Variants in CDK19 observed in about 807,000 individuals in gnomAD.
CDK19 encodes cyclin dependent kinase 19.
In CDK19, 20 loss-of-function variants were observed where a neutral mutation model predicts 68.3. That is an observed-to-expected ratio of 0.29 (90% CI 0.21 to 0.43). The LOEUF (loss-of-function observed/expected upper bound fraction) is 0.43, where lower values mean the gene tolerates loss of function less well. Ranked by LOEUF, CDK19 falls within the 20% of genes least tolerant of loss-of-function variation. The pLI is 1.00. For missense variants in CDK19, 339 were observed against 623.5 expected (o/e 0.54, Z 4.86); for synonymous variants, 221 against 222.8 (o/e 0.99, Z 0.07).
At chr6:110,735,072 A>T (rs1332149450) in intron 2 of CDK19, among the ~76,000 whole-genome samples, 1 of 151,908 alleles carries the variant, frequency 6.6e-6, no homozygotes, top group Admixed American at 6.6e-5. Context: ...TGGATCAAAA[A>T]TTTTAGATAA....
At chr6:110,643,995 T>A (rs1028897301) in intron 4 of CDK19, among the ~76,000 whole-genome samples, 6 of 151,640 alleles carry the variant, frequency 4.0e-5, no homozygotes, top group African/African-American at 1.2e-4. Context: ...ATTAAACTTT[T>A]AAAAATTAAA....
intron 2 of CDK19, among the ~76,000 whole-genome samples, chr6:110,673,296 T>C (rs1771174356): frequency 6.6e-6 from 1 of 152,218 alleles, no homozygotes; most frequent in Non-Finnish European, 1.5e-5. Flanking sequence ...TATTTAAAGC[T>C]GAATACTATT....
At chr6:110,768,351 A>G (rs1378994339) in intron 1 of CDK19, among the ~76,000 whole-genome samples, 1 of 152,208 alleles carries the variant, frequency 6.6e-6, no homozygotes, top group East Asian at 1.9e-4. Context: ...AAAACTAAAC[A>G]TGTTCATGCC....
At chr6:110,688,186 G>C (rs1772655146) in intron 2 of CDK19, among the ~76,000 whole-genome samples, 1 of 152,036 alleles carries the variant, frequency 6.6e-6, no homozygotes, top group Admixed American at 6.6e-5. Flanking sequence ...AGGAGTCTGA[G>C]ACCAGCCTGG....
At chr6:110,814,837 G>A in intron 1 of CDK19, 172 bp downstream of exon 1, 2 of 841,054 alleles carry the variant, frequency 2.4e-6, no homozygotes, top group South Asian at 1.5e-5. Context: ...GGCCGCGCGG[G>A]GGAGGCGGGC....
At chr6:110,721,749 A>T (rs977892332) in intron 2 of CDK19, among the ~76,000 whole-genome samples, 5 of 151,902 alleles carry the variant, frequency 3.3e-5, no homozygotes, top group African/African-American at 1.2e-4. Flanking sequence ...GCAGATCACA[A>T]ATCAAGGATT....
Position 110,623,276 on chromosome 6 carries a change from A to C in CDK19, c.933+14T>G, listed in dbSNP as rs759117577. 3.1e-6 allele frequency: 5 copies of C among 1,607,424 alleles called. No individual in the cohort carries two copies. Among genetic ancestry groups the C allele is most frequent in the Non-Finnish European group, 4.3e-6 (5 of 1,174,236 alleles). On this transcript the variant is annotated intron_variant, in intron 9 of 12. Coordinates refer to ENST00000368911, the MANE Select transcript of CDK19 (RefSeq NM_015076.5). Reference sequence around the variant, plus strand: ...GCTGAGAATCAGATTTTAGTCTGGGAGAGAAGCACCTACCAAGAGGAACAC... The same window carrying C: ...GCTGAGAATCAGATTTTAGTCTGGGCGAGAAGCACCTACCAAGAGGAACAC...
At position 110,809,542 on chromosome 6, in the gene CDK19, T is replaced by G. The variant is rs530970877; in HGVS notation, c.128+5467A>C. ...AAGTGAAAAAAATGAAAAAAGAAAT[T>G]TATCAACTGTTTGGAAAAGCAGTAC... On this transcript the variant is annotated intron_variant, in intron 1 of 12. Transcript: ENST00000368911. Among the ~76,000 whole-genome samples the G allele has an allele frequency of 2.6e-5, 4 of 152,182 alleles. No individual in the cohort carries two copies. In the East Asian group the frequency reaches 7.7e-4, roughly 29 times the overall value.
chr6:110,645,884 C>T, intron 4 of CDK19: 1 of 745,786 alleles, frequency 1.3e-6, no homozygotes, highest in Non-Finnish European at 2.3e-6. Flanking sequence ...TAGACGAAAA[C>T]AGCGGCGACT....
intron 4 of CDK19, among the ~76,000 whole-genome samples, chr6:110,640,215 G>A (rs1403220789): frequency 2.6e-5 from 3 of 115,122 alleles, no homozygotes; most frequent in African/African-American, 1.1e-4. Flanking sequence ...CTGGGTGACA[G>A]AGCAAGACCC....
chr6:110,620,662 TCA>T (rs1778650254), intron 12 of CDK19, among the ~76,000 whole-genome samples: 1 of 152,330 alleles, frequency 6.6e-6, no homozygotes, highest in South Asian at 2.1e-4. Flanking sequence ...CAGAAAAGCC[TCA>T]GTCTTAGCCC....
chr6:110,645,570 G>T, intron 4 of CDK19: 1 of 181,092 alleles, frequency 5.5e-6, no homozygotes, highest in Non-Finnish European at 1.2e-5. Flanking sequence ...AGGGTAGGAT[G>T]GGTGGGCAAG....
chr6:110,670,270 T>C (rs934455753), intron 3 of CDK19, among the ~76,000 whole-genome samples, 161 bp downstream of exon 3: 3 of 151,950 alleles, frequency 2.0e-5, no homozygotes, highest in Non-Finnish European at 4.4e-5. Context: ...TGTGAGTTTA[T>C]TGCTTAAATT....
At chr6:110,626,660 G>A in intron 8 of CDK19, 116 bp downstream of exon 8, 1 of 639,220 alleles carries the variant, frequency 1.6e-6, no homozygotes, top group South Asian at 2.5e-5. Context: ...CTTGACCTTG[G>A]ACTTTCCAGC....
intron 2 of CDK19, among the ~76,000 whole-genome samples, chr6:110,737,549 A>AT (rs1003954925): frequency 2.6e-5 from 4 of 152,192 alleles, no homozygotes; most frequent in African/African-American, 9.7e-5. Context: ...CAACAGACAG[A>AT]TACACGATAG....
At chr6:110,665,437 C>T (rs1781865203) in intron 4 of CDK19, among the ~76,000 whole-genome samples, 1 of 152,092 alleles carries the variant, frequency 6.6e-6, no homozygotes, top group South Asian at 2.1e-4. Flanking sequence ...AGCAGCAAAT[C>T]TGAATGGGAG....
chr6:110,621,136 A>C lies in CDK19; in HGVS notation c.1345T>G (p.Ser449Ala). The change falls in exon 12 of 13, where the codon TCA becomes GCA. Residue 449 changes from serine (S) to alanine (A), a missense_variant. Transcript: ENST00000368911. The surrounding 1 kb of genome is among the most constrained non-coding windows in gnomAD (Gnocchi z 5.4). ...KPRLGPSGAN[S>A]GGPVMPSDYQ... ...TCCGAGGGCATCACAGGTCCACCTG[A>C]GTTTGCGCCTGAAGGCCCTAGCCGT... 2 of 1,613,970 alleles carry C rather than the reference A, an allele frequency of 1.2e-6. No homozygotes were observed. The highest frequency in any genetic ancestry group is 2.7e-5 in the African/African-American group (2 of 75,032).
intron 12 of CDK19, among the ~76,000 whole-genome samples, chr6:110,619,446 G>A (rs1269870212): frequency 6.6e-6 from 1 of 151,904 alleles, no homozygotes; most frequent in Non-Finnish European, 1.5e-5. Context: ...GCCTGGGGCA[G>A]CACAGTAGAG....
At chr6:110,712,902 T>G (rs1323224553) in intron 2 of CDK19, among the ~76,000 whole-genome samples, 1 of 151,982 alleles carries the variant, frequency 6.6e-6, no homozygotes. Flanking sequence ...AGACATACTG[T>G]TCATCACAGT....
Sources: allele counts gnomAD v4.1 joint callset (sites outside exome capture counted in the v4.1 genomes callset), GRCh38; gene constraint gnomAD v4.1.1; non-coding constraint Gnocchi (gnomAD v3.1); transcripts MANE v1.5; gene names NCBI Gene and HGNC (gene_info 2026-07-23, HGNC 2026-07-21).